The following TSC2 variants were observed in gnomAD, a reference collection of about 807,000 sequenced individuals.
TSC2 encodes the protein tuberin.
Under a neutral mutation model 202.2 loss-of-function variants are expected in TSC2, and 29 were observed. The observed-to-expected ratio is 0.14, with a 90% CI of 0.11 to 0.20. TSC2 has a LOEUF of 0.20. Ranked by LOEUF, TSC2 falls within the 10% of genes least tolerant of loss-of-function variation. TSC2 has a pLI of 1.00. For synonymous variants in TSC2, 1,349 were observed against 1,044.0 expected (o/e 1.29, Z -5.63); for missense variants, 2,429 against 2,420.0 (o/e 1.00, Z -0.08).
Position 2,053,893 on chromosome 16 carries a change from C to T in TSC2, c.337-403C>T, listed in dbSNP as rs1199591165. On this transcript the variant is annotated intron_variant, in intron 4 of 41. Coordinates refer to ENST00000219476, the MANE Select transcript of TSC2 (RefSeq NM_000548.5). ...CCTCCCCTGGTCGGCCACTTCTACT[C>T]CTTCATGTCCCAGCTGCTCAGAAGG... The T allele has an allele frequency of 1.8e-5, 8 of 453,436 alleles. No individual in the cohort carries two copies. In the East Asian group the frequency reaches 3.9e-4, roughly 22 times the overall value. The allele number at this position is 453,436 out of a possible 1,614,324, so 28.1% of individuals were successfully genotyped here. A position where few individuals can be genotyped will look rare whatever the true frequency, so the allele number is the denominator to read the frequency against.
intron 22 of TSC2, chr16:2,074,966 A>G (rs942909977): frequency 9.5e-5 from 16 of 169,070 alleles, no homozygotes; most frequent in Non-Finnish European, 1.8e-4. Flanking sequence ...CTGTCATCCC[A>G]GCACTGTGGG....
intron 11 of TSC2, 73 bp from the exon 12 acceptor site, chr16:2,061,798 G>T: frequency 6.2e-7 from 1 of 1,611,470 alleles, no homozygotes; most frequent in South Asian, 1.1e-5. Flanking sequence ...CGGTGGGTGT[G>T]TAGCGAGGCC....
chr16:2,088,420 A>G (rs1443543747), intron 41 of TSC2, 26 bp from the exon 42 acceptor site: 16 of 1,612,488 alleles, frequency 9.9e-6, no homozygotes, highest in African/African-American at 1.3e-5. Flanking sequence ...TCCCAGACTT[A>G]CTGCCCAAGC....
chr16:2,072,385 T>G (rs771712155), intron 20 of TSC2, 22 bp downstream of exon 20: 1 of 1,613,086 alleles, frequency 6.2e-7, no homozygotes, highest in Admixed American at 1.7e-5. Context: ...GGCCTGGGGT[T>G]GGGGTGGGGG....
intron 30 of TSC2, chr16:2,081,246 G>A (rs2090107941): frequency 5.1e-6 from 2 of 389,116 alleles, no homozygotes; most frequent in East Asian, 1.2e-4. Flanking sequence ...GACAGAGGGA[G>A]GCCTTTGCAG....
At chr16:2,073,220 G>A (rs2088756045) in intron 21 of TSC2, among the ~76,000 whole-genome samples, 1 of 152,126 alleles carries the variant, frequency 6.6e-6, no homozygotes, top group Admixed American at 6.5e-5. Flanking sequence ...ACCCCGGACA[G>A]CATCTCTGCT....
intron 25 of TSC2, 191 bp from the exon 26 acceptor site, chr16:2,077,407 C>A: frequency 2.8e-6 from 2 of 726,042 alleles, no homozygotes; most frequent in Non-Finnish European, 4.7e-6. Flanking sequence ...TATTATCATG[C>A]ATTTTTGTTT....
Position 2,079,808 on chromosome 16 carries a change from G to A in TSC2, c.3397+139G>A. On this transcript the variant is annotated intron_variant, in intron 29 of 41. Coordinates refer to ENST00000219476, the MANE Select transcript of TSC2 (RefSeq NM_000548.5). The surrounding 1 kb of genome is among the most constrained non-coding windows in gnomAD (Gnocchi z 4.6). ...CCGGCCCACGTCCTGACTCTGGGGT[G>A]AGCCTTCCACAGCTCACCCCAGAGC... 1 of 849,148 alleles carries A rather than the reference G, an allele frequency of 1.2e-6. No homozygotes were observed. Among genetic ancestry groups the A allele is most frequent in the South Asian group, 1.8e-5 (1 of 56,480 alleles). The allele number at this position is 849,148 out of a possible 1,614,324, so 52.6% of individuals were successfully genotyped here. A position where few individuals can be genotyped will look rare whatever the true frequency, so the allele number is the denominator to read the frequency against.
chr16:2,066,019 A>C (rs2087301881), intron 16 of TSC2, among the ~76,000 whole-genome samples: 1 of 152,172 alleles, frequency 6.6e-6, no homozygotes, highest in African/African-American at 2.4e-5. Context: ...CATATCATGC[A>C]ATTTACCCAT....
rs397514955 is a variant in TSC2, at chr16:2,088,250, C to T, written c.5184C>T (p.Ser1728=). 1 of 1,596,694 alleles carries T rather than the reference C, an allele frequency of 6.3e-7. No homozygotes were observed. The highest frequency in any genetic ancestry group is 1.4e-5 in the African/African-American group (1 of 69,784). ...HANMASQVHH[S]RSNPTDIYPS... ...AGATGGCCTCACAGGTGCATCATAGCCGCTCCAACCCCACCGATATCTACC... is the reference window on the plus strand; with the variant it reads ...AGATGGCCTCACAGGTGCATCATAGTCGCTCCAACCCCACCGATATCTACC... The change falls in exon 41 of 42, where the codon AGC becomes AGT. Residue 1728 remains serine, a synonymous_variant. Coordinates refer to ENST00000219476, the MANE Select transcript of TSC2 (RefSeq NM_000548.5).
At position 2,071,574 on chromosome 16, in the gene TSC2, A is replaced by C; in HGVS notation, c.1904A>C (p.Asp635Ala). The C allele has an allele frequency of 6.2e-7, 1 of 1,613,498 alleles. No homozygotes were observed. The highest frequency in any genetic ancestry group is 1.7e-5 in the Admixed American group (1 of 60,024). Residue 635 changes from aspartate to alanine, a missense_variant, in exon 18 of 42, where the codon GAT becomes GCT. Coordinates refer to ENST00000219476, the MANE Select transcript of TSC2 (RefSeq NM_000548.5). ...CACCGCCTGGGCCTGCCCAACAAGGATGGAGTCGTGCGGTTCAGCCCCTAC... is the reference window on the plus strand; with the variant it reads ...CACCGCCTGGGCCTGCCCAACAAGGCTGGAGTCGTGCGGTTCAGCCCCTAC... ...SLHRLGLPNKDGVVRFSPYCV... is the reference protein window; with the variant it reads ...SLHRLGLPNKAGVVRFSPYCV...
chr16:2,073,452 C>G (rs959963177), intron 21 of TSC2, among the ~76,000 whole-genome samples: 1 of 152,262 alleles, frequency 6.6e-6, no homozygotes, highest in African/African-American at 2.4e-5. Context: ...TTGACATGGC[C>G]CTCCGGGACG....
chr16:2,063,507 C>T (rs575906251), intron 14 of TSC2: 59 of 283,188 alleles, frequency 2.1e-4, no homozygotes, highest in African/African-American at 1.3e-3. Flanking sequence ...CCCAGGCCCA[C>T]CTTCCTTGAG....
intron 2 of TSC2, 114 bp downstream of exon 2, chr16:2,048,867 A>G: frequency 1.4e-6 from 2 of 1,470,792 alleles, no homozygotes; most frequent in South Asian, 1.1e-5. Context: ...CTACACAGGA[A>G]TGCTGTCTCC....
chr16:2,088,618 G>C lies in TSC2; in HGVS notation c.*8G>C, dbSNP rs574951361. ...TTCACCGAGTTTGTGTGAGGCCGGGGCCCTCCCTCCTGCACTGGCCTTGGA... is the reference window on the plus strand; with the variant it reads ...TTCACCGAGTTTGTGTGAGGCCGGGCCCCTCCCTCCTGCACTGGCCTTGGA... On this transcript the variant is annotated 3_prime_UTR_variant, in exon 42 of 42. Transcript: ENST00000219476. The C allele has an allele frequency of 6.3e-7, 1 of 1,599,670 alleles. No homozygotes were observed. The highest frequency in any genetic ancestry group is 1.1e-5 in the South Asian group (1 of 90,770).
intron 24 of TSC2, 117 bp from the exon 25 acceptor site, chr16:2,076,374 C>T (rs960226424): frequency 9.5e-6 from 15 of 1,578,396 alleles, no homozygotes; most frequent in East Asian, 2.2e-5. Flanking sequence ...AGCTGGGTGC[C>T]GCCGCCTTGC....
chr16:2,087,344 G>A, intron 38 of TSC2: 1 of 337,730 alleles, frequency 3.0e-6, no homozygotes, highest in Non-Finnish European at 5.7e-6. Context: ...CCCAGGCAGG[G>A]CAGATAGGCT....
chr16:2,078,270 G>T (rs188913719), intron 26 of TSC2: 2 of 167,646 alleles, frequency 1.2e-5, no homozygotes, highest in Non-Finnish European at 2.6e-5. Context: ...GCAGGTGTGG[G>T]CTCTCGGGCT....
intron 3 of TSC2, among the ~76,000 whole-genome samples, chr16:2,051,645 T>C (rs1329005904): frequency 6.6e-6 from 1 of 152,204 alleles, no homozygotes; most frequent in South Asian, 2.1e-4. Context: ...CCAGCATTTG[T>C]GTGTGGGAGA....
Sources: allele counts gnomAD v4.1 joint callset (sites outside exome capture counted in the v4.1 genomes callset), GRCh38; gene constraint gnomAD v4.1.1; non-coding constraint Gnocchi (gnomAD v3.1); transcripts MANE v1.5; gene names NCBI Gene and HGNC (gene_info 2026-07-23, HGNC 2026-07-21).